Variants in DST observed in about 807,000 individuals in gnomAD.
The protein encoded by DST is bullous pemphigoid antigen.
Under a neutral mutation model 875.2 loss-of-function variants are expected in DST, and 253 were observed. The observed-to-expected ratio is 0.29, with a 90% CI of 0.26 to 0.32. The LOEUF (loss-of-function observed/expected upper bound fraction) is 0.32. Ranked by LOEUF, DST falls within the 10% of genes least tolerant of loss-of-function variation. The pLI is 1.00. For missense variants in DST, 8,287 were observed against 9,111.6 expected (o/e 0.91, Z 3.68); for synonymous variants, 3,124 against 3,197.1 (o/e 0.98, Z 0.77).
rs369084361 is a variant in DST at position 56,493,025 on chromosome 6, T to C, written c.20459A>G (p.Asn6820Ser). 6 of 1,613,058 alleles carry C rather than the reference T, an allele frequency of 3.7e-6. No homozygotes were observed. The highest frequency in any genetic ancestry group is 1.1e-5 in the South Asian group (1 of 90,812). Residue 6820 changes from asparagine (N) to serine (S), a missense_variant, in exon 84 of 104, where the codon AAC becomes AGC. By Grantham distance (46) the Asn-to-Ser change is conservative. This residue lies in a region of DST where 1,292 missense variants were observed against 1,552.7 expected (regional missense o/e 0.83). Coordinates refer to ENST00000680361, the MANE Select transcript of DST (RefSeq NM_001374736.1). ...EFHNSLQDFI[N>S]WLTQAEQTLN... ...GGTCTGTTCAGCCTGAGTAAGCCAG[T>C]TGATGAAGTCTTGGAGAGAATTGTG...
intron 36 of DST, chr6:56,618,471 C>G (rs752387409): frequency 6.2e-7 from 1 of 1,614,194 alleles, no homozygotes; most frequent in South Asian, 1.1e-5. Context: ...TGTTCATGCT[C>G]TTTGATCTGT....
At position 56,487,183 on chromosome 6, in the gene DST, C is replaced by A; in HGVS notation, c.20968G>T (p.Asp6990Tyr). The A allele has an allele frequency of 5.6e-6, 9 of 1,613,948 alleles. No homozygotes were observed. Among genetic ancestry groups the A allele is most frequent in the Non-Finnish European group, 7.6e-6 (9 of 1,179,850 alleles). The change falls in exon 87 of 104, where the codon GAT becomes TAT. Residue 6990 changes from aspartate to tyrosine, a missense_variant. Physicochemically the swap from Asp to Tyr is radical, Grantham distance 160 (BLOSUM62 -3). Coordinates refer to ENST00000680361, the MANE Select transcript of DST (RefSeq NM_001374736.1). The stretch of plus-strand genomic sequence containing the variant: ...ATGTCATCCAGTTTCAGGTTGTCAT[C>A]AGCCAGGGAGGTTTTCTCCTTCAGA... ...RSLKEKTSLADDNLKLDDMLS... is the reference protein window; with the variant it reads ...RSLKEKTSLAYDNLKLDDMLS...
intron 9 of DST, among the ~76,000 whole-genome samples, chr6:56,677,113 T>C (rs763560095): frequency 6.6e-6 from 1 of 152,212 alleles, no homozygotes; most frequent in Non-Finnish European, 1.5e-5. Flanking sequence ...ATGATAAATA[T>C]ATGTAATTTT....
At position 56,758,247 on chromosome 6, in the gene DST, T is replaced by C. The variant is rs138123522; in HGVS notation, c.626-22958A>G. Among the ~76,000 whole-genome samples the C allele has an allele frequency of 5.3e-5, 8 of 152,250 alleles. No individual in the cohort carries two copies. The East Asian group carries it at 1.2e-3, about 22-fold the overall frequency. On this transcript the variant is annotated intron_variant, in intron 4 of 103. Transcript: ENST00000680361. Reference sequence around the variant, plus strand: ...CTATGTTCCAGTTCAGCTGTGGCCATTGAGATGAGAACAGAAGTGACTGTG... The same window carrying C: ...CTATGTTCCAGTTCAGCTGTGGCCACTGAGATGAGAACAGAAGTGACTGTG...
intron 3 of DST, among the ~76,000 whole-genome samples, chr6:56,869,495 T>A (rs1006717609): frequency 1.4e-5 from 2 of 147,586 alleles, no homozygotes; most frequent in Admixed American, 6.7e-5. Flanking sequence ...AACAAACAAA[T>A]AAAGCCAGGG....
chr6:56,909,699 C>T (rs1025900849), intron 2 of DST, among the ~76,000 whole-genome samples: 1 of 152,176 alleles, frequency 6.6e-6, no homozygotes, highest in South Asian at 2.1e-4. Context: ...GTTTCTGATT[C>T]ATTAAGTCTG....
intron 56 of DST, 43 bp downstream of exon 56, chr6:56,562,095 A>G: frequency 1.6e-6 from 2 of 1,284,508 alleles, no homozygotes; most frequent in Non-Finnish European, 2.1e-6. Flanking sequence ...TTAAAAAAAC[A>G]TCAAATTACA....
chr6:56,732,678 C>A (rs188910515), intron 5 of DST, among the ~76,000 whole-genome samples: 87 of 152,270 alleles, frequency 5.7e-4, no homozygotes, highest in African/African-American at 2.1e-3. Flanking sequence ...CAGTATCAAC[C>A]CTGAGCACTG....
At chr6:56,479,044 A>G (rs754549160) in intron 90 of DST, among the ~76,000 whole-genome samples, 2 of 152,216 alleles carry the variant, frequency 1.3e-5, no homozygotes, top group Non-Finnish European at 2.9e-5. Context: ...AATATCCAGA[A>G]TCTGCAAGGA....
intron 3 of DST, among the ~76,000 whole-genome samples, chr6:56,894,688 C>A (rs1246651404): frequency 3.2e-5 from 2 of 62,392 alleles, no homozygotes; most frequent in East Asian, 4.8e-4. Flanking sequence ...CCGGACGGGG[C>A]GGCTGGCCGG....
At chr6:56,923,463 CA>C (rs57118743) in intron 2 of DST, among the ~76,000 whole-genome samples, 145 of 48,736 alleles carry the variant, frequency 3.0e-3, no homozygotes, top group Middle Eastern at 0.015. Context: ...GGCTCACTGG[CA>C]AAAAAAAAAA....
chr6:56,607,673 A>C lies in DST; in HGVS notation c.6955T>G (p.Ser2319Ala). Residue 2319 changes from serine (S) to alanine (A), a missense_variant, in exon 40 of 104, where the codon TCA becomes GCA. Transcript: ENST00000680361. ...NTVINSEFSQ[S>A]GKLASTISID... is the part of the protein sequence containing the mutation. ...GATATTGTACTTGCCAGTTTTCCTG[A>C]CTGAGAAAATTCACTATTGATAACA... 1 of 1,613,280 alleles carries C rather than the reference A, an allele frequency of 6.2e-7. No homozygotes were observed. Among genetic ancestry groups the C allele is most frequent in the Non-Finnish European group, 8.5e-7 (1 of 1,179,642 alleles).
chr6:56,891,788 C>T (rs1036419871), intron 3 of DST, among the ~76,000 whole-genome samples: 5 of 152,090 alleles, frequency 3.3e-5, no homozygotes, highest in Admixed American at 2.0e-4. Flanking sequence ...CGCACCACTG[C>T]ACTCCAGCCT....
intron 5 of DST, among the ~76,000 whole-genome samples, chr6:56,706,777 G>A (rs555603651): frequency 6.6e-6 from 1 of 152,114 alleles, no homozygotes; most frequent in South Asian, 2.1e-4. Flanking sequence ...AAGGTGGGCG[G>A]ATCACTTGAG....
chr6:56,632,886 T>C lies in DST; in HGVS notation c.3773A>G (p.Tyr1258Cys), dbSNP rs1231363848. The C allele has an allele frequency of 6.2e-7, 1 of 1,613,852 alleles. No individual in the cohort carries two copies. The highest frequency in any genetic ancestry group is 8.5e-7 in the Non-Finnish European group (1 of 1,179,952). Residue 1258 changes from tyrosine (Y) to cysteine (C), a missense_variant, in exon 28 of 104, where the codon TAT becomes TGT. Tyr to Cys is a radical substitution (Grantham distance 194). Transcript: ENST00000680361. The stretch of plus-strand genomic sequence containing the variant: ...TGCAGATTTAAGAAGTTCTTGATAA[T>C]ACTGCTTACATACATTAACCTCCTT... ...LEKEVNVCKQ[Y>C]YQELLKSAER...
At chr6:56,764,920 G>C (rs1255348227) in intron 4 of DST, among the ~76,000 whole-genome samples, 1 of 145,792 alleles carries the variant, frequency 6.9e-6, no homozygotes, top group African/African-American at 2.5e-5. Context: ...TCATGCCATT[G>C]CACTGCAGCC....
chr6:56,539,257 T>A (rs1204500207), intron 61 of DST, among the ~76,000 whole-genome samples: 1 of 152,154 alleles, frequency 6.6e-6, no homozygotes, highest in Non-Finnish European at 1.5e-5. Flanking sequence ...AAAAATATAC[T>A]AAGGATTTAA....
At chr6:56,925,330 T>TA (rs1321730981) in intron 2 of DST, among the ~76,000 whole-genome samples, 3 of 152,180 alleles carry the variant, frequency 2.0e-5, no homozygotes, top group African/African-American at 7.2e-5. Flanking sequence ...CAATTATTTT[T>TA]AAAAAACATA....
At chr6:56,939,401 T>C (rs910595084) in intron 2 of DST, among the ~76,000 whole-genome samples, 4 of 152,170 alleles carry the variant, frequency 2.6e-5, no homozygotes, top group African/African-American at 7.2e-5. Flanking sequence ...GAGAAGGACA[T>C]GGCAGAATTC....
Sources: gnomAD v4.1 joint callset for allele counts (sites outside exome capture counted in the v4.1 genomes callset) on GRCh38, gnomAD v4.1.1 for gene constraint, gnomAD v4.1.1 regional missense constraint, MANE v1.5 for transcripts, NCBI Gene and HGNC (gene_info 2026-07-23, HGNC 2026-07-21) for gene names.